The following ARHGAP15 variants were observed in gnomAD, a reference collection of about 807,000 sequenced individuals.
The protein encoded by ARHGAP15 is Rho GTPase activating protein 15, also known as rho GTPase-activating protein 15.
A neutral mutation model predicts 63.7 loss-of-function variants in ARHGAP15; 51 were observed. The observed-to-expected ratio is 0.80, with a 90% CI of 0.64 to 1.01. The LOEUF (loss-of-function observed/expected upper bound fraction) is 1.01. Ranked by LOEUF, ARHGAP15 falls within the 50% of genes least tolerant of loss-of-function variation. The pLI, the probability that ARHGAP15 is intolerant of heterozygous loss-of-function variation, is 0.00. For missense variants in ARHGAP15, 560 were observed against 564.6 expected, an observed-to-expected ratio of 0.99 and a Z score of 0.08; for synonymous variants, 191 against 193.8, an observed-to-expected ratio of 0.99 and a Z score of 0.12.
chr2:143,322,286 C>T (rs577913691), intron 6 of ARHGAP15, among the ~76,000 whole-genome samples: 21 of 152,218 alleles, frequency 1.4e-4, no homozygotes, highest in Non-Finnish European at 2.5e-4. Context: ...CAAGAAAATC[C>T]GTGATCTAAG....
chr2:143,424,367 T>C (rs988717605), intron 6 of ARHGAP15, among the ~76,000 whole-genome samples: 1 of 152,128 alleles, frequency 6.6e-6, no homozygotes, highest in Non-Finnish European at 1.5e-5. Flanking sequence ...ATCTATTAGT[T>C]TTACAAATCT....
At chr2:143,227,388 G>A (rs1043619708) in intron 4 of ARHGAP15, among the ~76,000 whole-genome samples, 30 of 152,144 alleles carry the variant, frequency 2.0e-4, no homozygotes, top group African/African-American at 6.3e-4. Context: ...AAGGCACCAT[G>A]CTAAGCATTG....
intron 8 of ARHGAP15, among the ~76,000 whole-genome samples, chr2:143,452,925 T>C (rs1690474273): frequency 6.6e-6 from 1 of 151,992 alleles, no homozygotes; most frequent in South Asian, 2.1e-4. Context: ...GGAAATTATT[T>C]AATTTTTACC....
At chr2:143,514,639 A>G (rs1693726801) in intron 9 of ARHGAP15, among the ~76,000 whole-genome samples, 1 of 152,114 alleles carries the variant, frequency 6.6e-6, no homozygotes, top group Non-Finnish European at 1.5e-5. Context: ...CAAACATAAA[A>G]TCTCAGTGGC....
chr2:143,170,720 C>G (rs779216076), intron 2 of ARHGAP15, among the ~76,000 whole-genome samples: 4 of 152,126 alleles, frequency 2.6e-5, no homozygotes, highest in Admixed American at 6.6e-5. Flanking sequence ...TGACCTTTCT[C>G]TCATCTGAAC....
intron 10 of ARHGAP15, among the ~76,000 whole-genome samples, chr2:143,551,239 C>A (rs1426265705): frequency 6.6e-6 from 1 of 152,212 alleles, no homozygotes; most frequent in African/African-American, 2.4e-5. Context: ...ACAGCCTCAA[C>A]TTCCTGGGCT....
chr2:143,511,430 G>A (rs1242180426), intron 9 of ARHGAP15, among the ~76,000 whole-genome samples: 2 of 152,104 alleles, frequency 1.3e-5, no homozygotes, highest in Non-Finnish European at 2.9e-5. Context: ...AAAAATATTG[G>A]CACCCCTAGC....
chr2:143,185,721 A>T (rs935435409), intron 2 of ARHGAP15, among the ~76,000 whole-genome samples: 2 of 152,220 alleles, frequency 1.3e-5, no homozygotes, highest in Admixed American at 6.5e-5. Flanking sequence ...CTTTGCCAGC[A>T]CCATTAGAAA....
rs189335091 is a variant in ARHGAP15 at position 143,205,794 on chromosome 2, G to T, written c.234+3592G>T. Among the ~76,000 whole-genome samples the T allele has an allele frequency of 3.4e-3, 520 of 151,778 alleles. 12 individuals are homozygous for T. The highest frequency in any genetic ancestry group is 0.03 in the Admixed American group (458 of 15,230). ...TCTTTATATTCTTTATTTTCTCCCT[G>T]GCCCTTTGGATAAGTCATCATTTTC... On this transcript the variant is annotated intron_variant, in intron 3 of 13. Transcript: ENST00000295095.
chr2:143,348,634 T>C (rs1374586648), intron 6 of ARHGAP15, among the ~76,000 whole-genome samples: 2 of 152,174 alleles, frequency 1.3e-5, no homozygotes, highest in Admixed American at 6.6e-5. Flanking sequence ...AAGGTGTCCA[T>C]GTATGTTGGT....
intron 11 of ARHGAP15, chr2:143,564,168 C>G (rs1354048382): frequency 6.6e-6 from 1 of 152,250 alleles, no homozygotes; most frequent in Non-Finnish European, 1.5e-5. Flanking sequence ...AGCATGGCAG[C>G]TGCCCTCATC....
intron 11 of ARHGAP15, among the ~76,000 whole-genome samples, chr2:143,591,614 C>CTT (rs67060048): frequency 0.029 from 3,550 of 123,422 alleles, 75 homozygotes; most frequent in African/African-American, 0.082. Context: ...TTTGTTTGTT[C>CTT]TTTTTTTTTT....
At chr2:143,130,117 C>A (rs1199235177) in intron 1 of ARHGAP15, among the ~76,000 whole-genome samples, 1 of 151,932 alleles carries the variant, frequency 6.6e-6, no homozygotes, top group African/African-American at 2.4e-5. Context: ...GAAGTCACAG[C>A]TGATTTCATT....
intron 2 of ARHGAP15, among the ~76,000 whole-genome samples, chr2:143,165,280 C>T (rs762591843): frequency 1.3e-5 from 2 of 152,042 alleles, no homozygotes; most frequent in African/African-American, 2.4e-5. Flanking sequence ...TTGCCTTATG[C>T]TCTTACATTA....
In ARHGAP15 at chr2:143,155,665, A is replaced by G. The variant is rs768816500; in HGVS notation, c.165+10A>G. 1 of 1,541,306 alleles carries G rather than the reference A, an allele frequency of 6.5e-7. No homozygotes were observed. The highest frequency in any genetic ancestry group is 1.4e-5 in the African/African-American group (1 of 70,738). ...GAAGGTCACTGAACCTGTAAGTCAA[A>G]TACCCCAAATATCCCAAGTTCCTTG... On this transcript the variant is annotated intron_variant, in intron 2 of 13. Transcript: ENST00000295095.
chr2:143,286,866 T>A (rs554312479), intron 6 of ARHGAP15, among the ~76,000 whole-genome samples: 2 of 152,198 alleles, frequency 1.3e-5, no homozygotes, highest in Non-Finnish European at 2.9e-5. Flanking sequence ...GGTGATATGA[T>A]GGAACCTATT....
At chr2:143,428,965 C>T (rs1313103016) in intron 6 of ARHGAP15, among the ~76,000 whole-genome samples, 2 of 151,826 alleles carry the variant, frequency 1.3e-5, no homozygotes, top group East Asian at 3.9e-4. Context: ...GACAAGTACA[C>T]CCCCCCAGTT....
intron 6 of ARHGAP15, among the ~76,000 whole-genome samples, chr2:143,425,233 G>T (rs1395510500): frequency 6.6e-6 from 1 of 152,002 alleles, no homozygotes; most frequent in Non-Finnish European, 1.5e-5. Flanking sequence ...TATTAGGTGG[G>T]TGGCCTGTTG....
intron 6 of ARHGAP15, among the ~76,000 whole-genome samples, chr2:143,423,856 G>T (rs1353579841): frequency 6.6e-6 from 1 of 152,052 alleles, no homozygotes. Context: ...CAGGTTATAG[G>T]TGAGAATATA....
Sources: allele counts gnomAD v4.1 joint callset (sites outside exome capture counted in the v4.1 genomes callset), GRCh38; gene constraint gnomAD v4.1.1; transcripts MANE v1.5; gene names NCBI Gene and HGNC (gene_info 2026-07-23, HGNC 2026-07-21).